Variants in DICER1 observed in about 807,000 individuals in gnomAD.
The protein encoded by DICER1 is endoribonuclease Dicer.
A neutral mutation model predicts 194.1 loss-of-function variants in DICER1; 43 were observed. The observed-to-expected ratio is 0.22, with a 90% confidence interval of 0.17 to 0.29. The LOEUF is 0.29. Among genes scored for constraint, DICER1 ranks in the 10% least tolerant of loss-of-function variants. DICER1 has a pLI of 1.00. For synonymous variants in DICER1, 832 were observed against 820.5 expected, an observed-to-expected ratio of 1.01 and a Z score of -0.24; for missense variants, 1,608 against 2,317.0, an observed-to-expected ratio of 0.69 and a Z score of 6.28.
intron 2 of DICER1, 114 bp from the exon 3 acceptor site, chr14:95,132,791 T>A (rs1266224665): frequency 2.8e-6 from 3 of 1,055,404 alleles, no homozygotes; most frequent in African/African-American, 3.2e-5. Context: ...CGTCCTCCAA[T>A]AAATTTACAA....
At chr14:95,146,383 C>CA (rs1895135972) in intron 1 of DICER1, among the ~76,000 whole-genome samples, 1 of 151,968 alleles carries the variant, frequency 6.6e-6, no homozygotes. Flanking sequence ...GTGCTTTTAA[C>CA]TTTTTTTTGC....
Position 95,104,035 on chromosome 14 carries a change from A to C in DICER1, c.3361T>G (p.Tyr1121Asp). 1 of 1,614,116 alleles carries C rather than the reference A, an allele frequency of 6.2e-7. No homozygotes were observed. Among genetic ancestry groups the C allele is most frequent in the Non-Finnish European group, 8.5e-7 (1 of 1,179,972 alleles). Residue 1121 changes from tyrosine (Y) to aspartate (D), a missense_variant, in exon 21 of 27, where the codon TAC (tyrosine) becomes GAC (aspartate). Physicochemically the swap from Tyr to Asp is radical, Grantham distance 160. Around this residue, in one of 10 missense-constraint regions of DICER1, gnomAD observed 222 missense variants for 215.5 expected, o/e 1.03. Coordinates refer to ENST00000343455, the MANE Select transcript of DICER1 (RefSeq NM_177438.3). ...GGGACAATTGTGCTGTGCTTACAGT[A>C]ATTATCATTTTCAGCTGAAGAGGAG... ...SNSSSAENDN[Y>D]CKHSTIVPEN...
intron 1 of DICER1, among the ~76,000 whole-genome samples, chr14:95,136,086 TACACACACACACAC>T (rs144415862): frequency 4.9e-4 from 72 of 146,652 alleles, no homozygotes; most frequent in African/African-American, 1.7e-3. Context: ...TACATGTAGA[TACACACACACACAC>T]ACACACACAC....
Position 95,105,308 on chromosome 14 carries a change from A to G in DICER1, c.3094-62T>C, listed in dbSNP as rs2139990037. ...AGCGCACACACAAAAGAAAAAAAAA[A>G]AGACCAATTTCACTAATGGATAAAG... On this transcript the variant is annotated intron_variant, in intron 19 of 26. Transcript: ENST00000343455. The surrounding 1 kb of genome is among the most constrained non-coding windows in gnomAD (Gnocchi z 4.9). 1 of 1,449,068 alleles carries G rather than the reference A, an allele frequency of 6.9e-7. No individual in the cohort carries two copies. The highest frequency in any genetic ancestry group is 1.2e-5 in the South Asian group (1 of 83,784). The allele number at this position is 1,449,068 out of a possible 1,614,324, so 89.8% of individuals were successfully genotyped here.
chr14:95,115,909 C>G, intron 10 of DICER1, 88 bp from the exon 11 acceptor site: 1 of 1,297,786 alleles, frequency 7.7e-7, no homozygotes, highest in Non-Finnish European at 1.1e-6. Flanking sequence ...AAAAACTCTC[C>G]TGAAAATATC....
At chr14:95,139,478 T>C (rs1003890665) in intron 1 of DICER1, among the ~76,000 whole-genome samples, 3 of 152,220 alleles carry the variant, frequency 2.0e-5, no homozygotes, top group African/African-American at 7.2e-5. Context: ...CTTTCATAAT[T>C]TCTATCACAG....
At chr14:95,117,803 A>C in intron 8 of DICER1, 49 bp from the exon 9 acceptor site, 1 of 1,594,364 alleles carries the variant, frequency 6.3e-7, no homozygotes, top group African/African-American at 1.3e-5. Flanking sequence ...GAAAGAAAAT[A>C]AACTTTTGTT....
chr14:95,128,064 T>G (rs2140246975), intron 6 of DICER1, among the ~76,000 whole-genome samples: 1 of 152,318 alleles, frequency 6.6e-6, no homozygotes, highest in South Asian at 2.1e-4. Context: ...TAAGGAAAAC[T>G]CCCCCAACTT....
chr14:95,116,773 T>C (rs2140128663), intron 9 of DICER1, 78 bp from the exon 10 acceptor site: 2 of 1,421,796 alleles, frequency 1.4e-6, no homozygotes, highest in Non-Finnish European at 2.0e-6. Context: ...TAAAAGTAAA[T>C]GACAACTGTC....
Position 95,099,679 on chromosome 14 carries a change from A to C in DICER1, c.4206+101T>G, listed in dbSNP as rs570887341. 1.8e-5 allele frequency: 26 copies of C among 1,453,594 alleles called. No individual in the cohort carries two copies. In the African/African-American group the frequency reaches 3.3e-4, roughly 19 times the overall value. The allele number at this position is 1,453,594 out of a possible 1,614,324, so 90.0% of individuals were successfully genotyped here. ...ATAAACATACCAAGAAAATGAAACA[A>C]AAAATTAATAAAACAAATTATTTGG... On this transcript the variant is annotated intron_variant, in intron 22 of 26. Coordinates refer to ENST00000343455, the MANE Select transcript of DICER1 (RefSeq NM_177438.3).
At chr14:95,098,323 T>C (rs1167918960) in intron 22 of DICER1, among the ~76,000 whole-genome samples, 13 of 152,220 alleles carry the variant, frequency 8.5e-5, no homozygotes, top group Non-Finnish European at 1.6e-4. Flanking sequence ...CGTTTTAGCA[T>C]GCAAAGGTTT....
chr14:95,142,146 T>C (rs936676194), intron 1 of DICER1, among the ~76,000 whole-genome samples: 6 of 152,006 alleles, frequency 3.9e-5, no homozygotes, highest in African/African-American at 1.4e-4. Flanking sequence ...TTTGTAGAGC[T>C]GGGGCCACCC....
intron 1 of DICER1, among the ~76,000 whole-genome samples, chr14:95,138,216 A>G (rs1381149865): frequency 1.3e-5 from 2 of 150,964 alleles, no homozygotes. Flanking sequence ...TTTTTTTCTT[A>G]GCAAACACAA....
intron 20 of DICER1, among the ~76,000 whole-genome samples, chr14:95,104,449 T>A (rs61976547): frequency 0.13 from 19,270 of 152,224 alleles, 1,333 homozygotes; most frequent in Middle Eastern, 0.17. Flanking sequence ...TGAGTAACTC[T>A]GGGCAACTTA....
chr14:95,149,144 C>A (rs1371737309), intron 1 of DICER1, among the ~76,000 whole-genome samples: 2 of 152,018 alleles, frequency 1.3e-5, no homozygotes, highest in Non-Finnish European at 2.9e-5. Flanking sequence ...ACCTTTACAC[C>A]AAGAAAGAGC....
At chr14:95,093,757 A>T in intron 24 of DICER1, 131 bp downstream of exon 24, 1 of 995,186 alleles carries the variant, frequency 1.0e-6, no homozygotes, top group Non-Finnish European at 1.6e-6. Context: ...GCTCCCACAG[A>T]ACACAGCACA....
At chr14:95,114,461 G>T (rs868032560) in intron 11 of DICER1, among the ~76,000 whole-genome samples, 3 of 152,100 alleles carry the variant, frequency 2.0e-5, no homozygotes, top group Non-Finnish European at 4.4e-5. Flanking sequence ...ATGAATAAAC[G>T]GAGAGAAGAA....
chr14:95,157,016 G>A (rs1895931300), intron 1 of DICER1, among the ~76,000 whole-genome samples: 1 of 152,006 alleles, frequency 6.6e-6, no homozygotes, highest in Non-Finnish European at 1.5e-5. Flanking sequence ...GGGCCCAGGA[G>A]CAGAGCCGAG....
At chr14:95,123,723 A>T (rs1322016456) in intron 8 of DICER1, among the ~76,000 whole-genome samples, 1 of 152,216 alleles carries the variant, frequency 6.6e-6, no homozygotes, top group East Asian at 1.9e-4. Flanking sequence ...GAAAAGTTGA[A>T]TCCATATTTT....
Sources: gnomAD v4.1 joint callset for allele counts (sites outside exome capture counted in the v4.1 genomes callset) on GRCh38, gnomAD v4.1.1 for gene constraint, gnomAD v4.1.1 regional missense constraint, Gnocchi (gnomAD v3.1) non-coding constraint, MANE v1.5 for transcripts, NCBI Gene and HGNC (gene_info 2026-07-23, HGNC 2026-07-21) for gene names.